IL12RB1: variants seen among roughly 807,000 people sequenced by gnomAD.
The protein encoded by IL12RB1 is interleukin-12 receptor subunit beta-1.
Under a neutral mutation model 94.4 loss-of-function variants are expected in IL12RB1, and 64 were observed. The observed-to-expected ratio is 0.68, with a 90% confidence interval of 0.55 to 0.83. The LOEUF (loss-of-function observed/expected upper bound fraction) is 0.83, where lower values mean the gene tolerates loss of function less well. IL12RB1 is among the 40% of genes least tolerant of loss of function. IL12RB1 has a pLI of 0.00. For synonymous variants in IL12RB1, 362 were observed against 355.5 expected (o/e 1.02, Z -0.21); for missense variants, 814 against 855.6 (o/e 0.95, Z 0.61).
intron 5 of IL12RB1, 107 bp downstream of exon 5, chr19:18,077,409 G>A: frequency 1.2e-6 from 1 of 850,768 alleles, no homozygotes; most frequent in Non-Finnish European, 2.0e-6. Context: ...GGCTAGAGTG[G>A]GGGCTGGTTG....
At chr19:18,060,336 G>A (rs922265271) in intron 15 of IL12RB1, among the ~76,000 whole-genome samples, 1 of 152,080 alleles carries the variant, frequency 6.6e-6, no homozygotes, top group Non-Finnish European at 1.5e-5. Flanking sequence ...AAAATTAGCT[G>A]AGCTTGGTTG....
In IL12RB1 at chr19:18,098,449, T is replaced by C. The variant is rs893512922; in HGVS notation, c.-230+306A>G. On this transcript the variant is annotated intron_variant, in intron 1 of 4. Coordinates refer to the IL12RB1 transcript ENST00000594176. ...GTGTGACCTGGGGGGAGGGCACCCT[T>C]GCTTCTCTGGGCCTCAGTTTTCCAA... Among the ~76,000 whole-genome samples, 3 of 152,258 alleles carry C rather than the reference T, an allele frequency of 2.0e-5. No homozygotes were observed. In the East Asian group the frequency reaches 5.8e-4, roughly 29 times the overall value.
chr19:18,093,383 T>A (rs1052156605), intron 1 of IL12RB1, among the ~76,000 whole-genome samples: 2 of 148,572 alleles, frequency 1.3e-5, no homozygotes, highest in Non-Finnish European at 3.0e-5. Context: ...TGTGTGTGTG[T>A]TAACCACAGA....
chr19:18,069,530 C>T lies in IL12RB1; in HGVS notation c.1189+16G>A. The T allele has an allele frequency of 6.3e-7, 1 of 1,597,456 alleles. No individual in the cohort carries two copies. The highest frequency in any genetic ancestry group is 1.1e-5 in the South Asian group (1 of 90,364). ...GCACAGAGGAGGGGTAGGCGCAGGC[C>T]ATTCCAGGCCATTACCCATTCCAGC... On this transcript the variant is annotated intron_variant, in intron 10 of 16. Coordinates refer to ENST00000593993, the MANE Select transcript of IL12RB1 (RefSeq NM_005535.3).
At position 18,072,965 on chromosome 19, in the gene IL12RB1, A is replaced by T. The variant is rs1359135297; in HGVS notation, c.783+552T>A. Among the ~76,000 whole-genome samples, 7 of 109,836 alleles carry T rather than the reference A, an allele frequency of 6.4e-5. No homozygotes were observed. In the East Asian group the frequency reaches 1.2e-3, roughly 19 times the overall value. The allele number at this position is 109,836 out of a possible 152,430, so 72.1% of individuals were successfully genotyped here. ...CCATCTCAAAAAAAAAAAAAAAAAA[A>T]GGAAAAAAAAGAAGAGGAATTTGAG... On this transcript the variant is annotated intron_variant, in intron 8 of 16. Coordinates refer to ENST00000593993, the MANE Select transcript of IL12RB1 (RefSeq NM_005535.3).
intron 1 of IL12RB1, among the ~76,000 whole-genome samples, chr19:18,097,470 A>C (rs900926947): frequency 2.0e-5 from 3 of 152,112 alleles, no homozygotes; most frequent in African/African-American, 7.2e-5. Flanking sequence ...AAGTGCTGGG[A>C]TACAGGCGTG....
intron 14 of IL12RB1, 133 bp from the exon 15 acceptor site, chr19:18,061,330 A>T (rs2034112430): frequency 1.7e-6 from 1 of 574,346 alleles, no homozygotes; most frequent in Admixed American, 3.1e-5. Flanking sequence ...TCCTGGGTTC[A>T]ATCGATTCTC....
At chr19:18,087,253 G>A (rs17879604), upstream of IL12RB1, among the ~76,000 whole-genome samples, 5,637 of 148,116 alleles carry the variant, frequency 0.038, 157 homozygotes, top group Middle Eastern at 0.086. Context: ...TCTGTCGCCC[G>A]GGCTGGAGTG....
At chr19:18,094,697 CTACAAAAAA>C (rs920727525) in intron 1 of IL12RB1, among the ~76,000 whole-genome samples, 49 of 152,184 alleles carry the variant, frequency 3.2e-4, no homozygotes, top group Admixed American at 2.7e-3. Flanking sequence ...AACCTTGTCT[CTACAAAAAA>C]TACAAAAAAT....
upstream of IL12RB1, chr19:18,087,020 C>G (rs1416999941): frequency 2.9e-5 from 35 of 1,204,650 alleles, no homozygotes; most frequent in Non-Finnish European, 3.9e-5. Context: ...AGGAAGTCAG[C>G]TCCGTGGTGG....
chr19:18,092,573 G>C (rs2036679205), intron 1 of IL12RB1, among the ~76,000 whole-genome samples: 1 of 151,978 alleles, frequency 6.6e-6, no homozygotes, highest in African/African-American at 2.4e-5. Context: ...AGGAGGCTGA[G>C]GCAGGAGAAT....
chr19:18,072,435 C>T, intron 8 of IL12RB1, 86 bp from the exon 9 acceptor site: 1 of 860,468 alleles, frequency 1.2e-6, no homozygotes, highest in Non-Finnish European at 2.0e-6. Context: ...CCTATGAAGA[C>T]AGACTTGGAC....
At chr19:18,096,974 C>T (rs1040313688) in intron 1 of IL12RB1, among the ~76,000 whole-genome samples, 5 of 151,876 alleles carry the variant, frequency 3.3e-5, no homozygotes, top group Admixed American at 1.3e-4. Flanking sequence ...GTGAGATCCC[C>T]GTCTCTAAAA....
In IL12RB1 at chr19:18,059,265, C is replaced by T. The variant is rs2033948994; in HGVS notation, c.*343G>A. The stretch of plus-strand genomic sequence containing the variant: ...CAATGCTGCAGGGAGCCCTTGAGTC[C>T]AGACTCCCCATCCAGTGCTCCTGGG... On this transcript the variant is annotated 3_prime_UTR_variant, in exon 17 of 17. Coordinates refer to ENST00000593993, the MANE Select transcript of IL12RB1 (RefSeq NM_005535.3). 2 of 424,480 alleles carry T rather than the reference C, an allele frequency of 4.7e-6. No homozygotes were observed. Among genetic ancestry groups the T allele is most frequent in the South Asian group, 2.4e-5 (1 of 41,412 alleles). 26.3% of individuals were successfully genotyped at this position (424,480 alleles called of 1,614,324 possible). A position where few individuals can be genotyped will look rare whatever the true frequency, so the allele number is the denominator to read the frequency against.
Position 18,069,608 on chromosome 19 carries a change from T to G in IL12RB1, c.1127A>C (p.Gln376Pro), listed in dbSNP as rs1221970128. The change falls in exon 10 of 17, where the codon CAG becomes CCG. Residue 376 changes from glutamine (Q) to proline (P), a missense_variant. Physicochemically the swap from Gln to Pro is moderately conservative, Grantham distance 76. Coordinates refer to ENST00000593993, the MANE Select transcript of IL12RB1 (RefSeq NM_005535.3). ...TYCIEWQPVG[Q>P]DGGLATCSLT... ...GCTGCAGGTGGCAAGGCCCCCGTCC[T>G]GGCCCACAGGCTGCCATTCAATGCA... The G allele has an allele frequency of 6.2e-7, 1 of 1,613,168 alleles. No homozygotes were observed. Among genetic ancestry groups the G allele is most frequent in the Non-Finnish European group, 8.5e-7 (1 of 1,179,876 alleles).
chr19:18,059,397 C>T lies in IL12RB1; in HGVS notation c.*211G>A, dbSNP rs2033957943. 1 of 628,608 alleles carries T rather than the reference C, an allele frequency of 1.6e-6. No individual in the cohort carries two copies. The allele number at this position is 628,608 out of a possible 1,614,324, so 38.9% of individuals were successfully genotyped here. The stretch of plus-strand genomic sequence containing the variant: ...TAAATGGCAGGGTCTGCTCCTGCCC[C>T]ACGGATGCCAGGCCCAGCAGGGTGC... On this transcript the variant is annotated 3_prime_UTR_variant, in exon 17 of 17. Transcript: ENST00000593993.
chr19:18,079,383 C>T (rs1599539082), intron 4 of IL12RB1, among the ~76,000 whole-genome samples: 2 of 152,204 alleles, frequency 1.3e-5, no homozygotes, highest in South Asian at 4.1e-4. Context: ...GGATTACAGG[C>T]GTGAACCACT....
At chr19:18,095,484 G>C (rs886531000) in intron 1 of IL12RB1, among the ~76,000 whole-genome samples, 2 of 152,122 alleles carry the variant, frequency 1.3e-5, no homozygotes, top group African/African-American at 2.4e-5. Context: ...AAAATTCATA[G>C]AACAGGAAGC....
At chr19:18,061,886 A>C (rs1255271945) in intron 14 of IL12RB1, among the ~76,000 whole-genome samples, 2 of 152,136 alleles carry the variant, frequency 1.3e-5, no homozygotes, top group African/African-American at 2.4e-5. Flanking sequence ...AAAAGAAAGA[A>C]ATTTTGCATA....
Sources: gnomAD v4.1 joint callset for allele counts (sites outside exome capture counted in the v4.1 genomes callset) on GRCh38, gnomAD v4.1.1 for gene constraint, MANE v1.5 for transcripts, NCBI Gene and HGNC (gene_info 2026-07-23, HGNC 2026-07-21) for gene names.